Variants in RPP30 observed in about 807,000 individuals in gnomAD.
RPP30 encodes ribonuclease P/MRP subunit p30.
RPP30 carries 36 observed loss-of-function variants against 38.6 expected under a neutral mutation model. That is an observed-to-expected ratio of 0.93 (90% CI 0.71 to 1.23). The LOEUF is 1.23. RPP30 is among the 50% of genes most tolerant of loss of function. The probability of loss-of-function intolerance (pLI) is 0.00; values close to 1 mark genes in which losing one functional copy is unlikely to be tolerated. For missense variants in RPP30, 321 were observed against 321.7 expected, an observed-to-expected ratio of 1.00 and a Z score of 0.02; for synonymous variants, 126 against 112.7, an observed-to-expected ratio of 1.12 and a Z score of -0.75.
rs760053492 is a variant in RPP30 at position 90,894,784 on chromosome 10, C to T, written c.442C>T (p.Arg148Ter). 6.2e-6 allele frequency: 10 copies of T among 1,611,986 alleles called. No homozygotes were observed. Among genetic ancestry groups the T allele is most frequent in the South Asian group, 1.1e-5 (1 of 90,934 alleles). Residue 148 changes from arginine (R) to a stop codon, truncating the protein, a stop_gained, in exon 7 of 11, where the codon CGA (arginine) becomes TGA (stop). Coordinates refer to ENST00000371703, the MANE Select transcript of RPP30 (RefSeq NM_006413.5). LOFTEE classifies it high-confidence loss of function. ...KRPPINVAID[R>*]GLAFELVYSP... ...TTTATTTCCTGTGAAGGCGATTGACCGAGGCCTGGCTTTTGAACTTGTCTA... is the reference window on the plus strand; with the variant it reads ...TTTATTTCCTGTGAAGGCGATTGACTGAGGCCTGGCTTTTGAACTTGTCTA...
chr10:90,877,158 A>C (rs1451726663), intron 4 of RPP30, among the ~76,000 whole-genome samples: 1 of 152,208 alleles, frequency 6.6e-6, no homozygotes, highest in Non-Finnish European at 1.5e-5. Context: ...CTAAAAACCC[A>C]AAAATTAGCA....
intron 6 of RPP30, 38 bp downstream of exon 6, chr10:90,885,939 AC>A: frequency 7.7e-7 from 1 of 1,290,380 alleles, no homozygotes; most frequent in Non-Finnish European, 1.1e-6. Context: ...AATCTTAGAA[AC>A]TTACATTAGC....
intron 5 of RPP30, 62 bp downstream of exon 5, chr10:90,879,196 T>A: frequency 2.2e-6 from 3 of 1,343,326 alleles, no homozygotes; most frequent in African/African-American, 1.5e-5. Context: ...TCTGATGTTC[T>A]GACTTTGTAG....
intron 4 of RPP30, among the ~76,000 whole-genome samples, chr10:90,877,139 C>T (rs1846862791): frequency 6.6e-6 from 1 of 152,086 alleles, no homozygotes; most frequent in Non-Finnish European, 1.5e-5. Context: ...TGGTGAAACC[C>T]CATCTCTACT....
chr10:90,907,465 C>A (rs768123961), downstream of RPP30, among the ~76,000 whole-genome samples: 5 of 152,184 alleles, frequency 3.3e-5, no homozygotes, highest in African/African-American at 1.2e-4. Context: ...TCTCACAACT[C>A]TATATGTGTC....
chr10:90,904,346 T>C (rs1401870151), downstream of RPP30, among the ~76,000 whole-genome samples: 2 of 152,192 alleles, frequency 1.3e-5, no homozygotes, highest in Non-Finnish European at 2.9e-5. Flanking sequence ...AAAGAAAAAC[T>C]AAATGCATTT....
intron 1 of RPP30, among the ~76,000 whole-genome samples, chr10:90,873,166 C>T (rs375885179): frequency 6.6e-6 from 1 of 152,036 alleles, no homozygotes; most frequent in Non-Finnish European, 1.5e-5. Context: ...ACTCTGCAGG[C>T]ACCAGTACAT....
chr10:90,906,666 G>A (rs926686485), downstream of RPP30, among the ~76,000 whole-genome samples: 4 of 152,210 alleles, frequency 2.6e-5, no homozygotes, highest in East Asian at 5.8e-4. Context: ...ATCCAGATGA[G>A]AAGTAATGGT....
intron 8 of RPP30, 63 bp downstream of exon 8, chr10:90,895,546 G>T: frequency 2.1e-6 from 2 of 947,720 alleles, no homozygotes; most frequent in South Asian, 6.5e-5. Flanking sequence ...CAGTTTCTAG[G>T]GGATAAATTA....
chr10:90,883,921 T>C (rs1564712104), intron 5 of RPP30, among the ~76,000 whole-genome samples: 1 of 152,182 alleles, frequency 6.6e-6, no homozygotes, highest in African/African-American at 2.4e-5. Flanking sequence ...TTAGAAATAT[T>C]ATTTACCTCG....
intron 1 of RPP30, among the ~76,000 whole-genome samples, chr10:90,873,908 C>T (rs895280057): frequency 4.6e-5 from 7 of 152,118 alleles, no homozygotes; most frequent in African/African-American, 1.7e-4. Flanking sequence ...AGAATCCTTA[C>T]TTATAAAAAA....
At chr10:90,877,835 G>A (rs1420503223) in intron 4 of RPP30, among the ~76,000 whole-genome samples, 1 of 152,166 alleles carries the variant, frequency 6.6e-6, no homozygotes, top group African/African-American at 2.4e-5. Context: ...AAATGAGAGA[G>A]GTTTGGGTAT....
rs576015721 is a variant in RPP30, at chr10:90,900,054, A to G, written c.698-516A>G. On this transcript the variant is annotated intron_variant, in intron 10 of 10. Transcript: ENST00000371703. Reference sequence around the variant, plus strand: ...AGTGATTTTATTCATTAACTCAACTAGTATTTACTGAACACATTTTGCATA... The same window carrying G: ...AGTGATTTTATTCATTAACTCAACTGGTATTTACTGAACACATTTTGCATA... Among the ~76,000 whole-genome samples the G allele has an allele frequency of 2.6e-5, 4 of 152,262 alleles. No individual in the cohort carries two copies. The South Asian group carries it at 8.3e-4, about 31-fold the overall frequency.
downstream of RPP30, among the ~76,000 whole-genome samples, chr10:90,906,237 T>A (rs1847254031): frequency 6.6e-6 from 1 of 152,160 alleles, no homozygotes; most frequent in Non-Finnish European, 1.5e-5. Context: ...AAGGATGGCT[T>A]CCTGGAGGAA....
At chr10:90,891,402 T>C (rs1278262997) in intron 6 of RPP30, among the ~76,000 whole-genome samples, 1 of 152,228 alleles carries the variant, frequency 6.6e-6, no homozygotes, top group African/African-American at 2.4e-5. Flanking sequence ...TATTCCAATC[T>C]GACTTCATCT....
chr10:90,892,580 G>A (rs192510443), intron 6 of RPP30, among the ~76,000 whole-genome samples: 55 of 151,994 alleles, frequency 3.6e-4, no homozygotes, highest in Admixed American at 1.3e-3. Flanking sequence ...GGAATATTTC[G>A]AGATCTAAGC....
At chr10:90,877,254 G>T (rs910849841) in intron 4 of RPP30, among the ~76,000 whole-genome samples, 2 of 152,024 alleles carry the variant, frequency 1.3e-5, no homozygotes, top group African/African-American at 4.8e-5. Context: ...AGAGGTTGCA[G>T]TGAGATCACA....
At chr10:90,872,097 A>T (rs1846784385) in intron 1 of RPP30, 29 bp downstream of exon 1, 1 of 1,582,760 alleles carries the variant, frequency 6.3e-7, no homozygotes, top group South Asian at 1.1e-5. Context: ...GCGCCTGGCC[A>T]ACCTCATGCC....
intron 5 of RPP30, among the ~76,000 whole-genome samples, chr10:90,884,667 C>T (rs1846975949): frequency 6.6e-6 from 1 of 152,312 alleles, no homozygotes; most frequent in African/African-American, 2.4e-5. Flanking sequence ...CTGATCTCTA[C>T]TTCCTAAAGC....
Sources: gnomAD v4.1 joint callset for allele counts (sites outside exome capture counted in the v4.1 genomes callset) on GRCh38, gnomAD v4.1.1 for gene constraint, MANE v1.5 for transcripts, NCBI Gene and HGNC (gene_info 2026-07-23, HGNC 2026-07-21) for gene names.